The following TSG101 variants were observed in gnomAD, a reference collection of about 807,000 sequenced individuals.
The protein encoded by TSG101 is tumor susceptibility 101, also known as tumor susceptibility gene 101 protein.
A neutral mutation model predicts 48.5 loss-of-function variants in TSG101; 19 were observed. That is an observed-to-expected ratio of 0.39 (90% CI 0.27 to 0.58). The LOEUF (loss-of-function observed/expected upper bound fraction) is 0.58, where lower values mean the gene tolerates loss of function less well. TSG101 is among the 20% of genes least tolerant of loss of function. The pLI is 0.55. For missense variants in TSG101, 365 were observed against 484.4 expected (o/e 0.75, Z 2.31); for synonymous variants, 174 against 169.4 (o/e 1.03, Z -0.21).
intron 7 of TSG101, among the ~76,000 whole-genome samples, chr11:18,484,998 G>A (rs987539723): frequency 7.8e-6 from 1 of 127,420 alleles, no homozygotes; most frequent in East Asian, 2.4e-4. Flanking sequence ...GAGTGCAGTC[G>A]CATGATCTCG....
chr11:18,497,433 G>A (rs775793081), intron 7 of TSG101, among the ~76,000 whole-genome samples: 2 of 152,090 alleles, frequency 1.3e-5, no homozygotes, highest in African/African-American at 2.4e-5. Flanking sequence ...AAAATGTAGA[G>A]TAAAATATTA....
chr11:18,524,237 A>T (rs556532519), intron 1 of TSG101, among the ~76,000 whole-genome samples: 45 of 152,380 alleles, frequency 3.0e-4, no homozygotes, highest in Non-Finnish European at 6.0e-4. Flanking sequence ...TCTGGTATAA[A>T]TATATCTGTT....
At chr11:18,519,894 T>G (rs1301962870) in intron 1 of TSG101, among the ~76,000 whole-genome samples, 1 of 152,210 alleles carries the variant, frequency 6.6e-6, no homozygotes. Flanking sequence ...ATTATTTAAC[T>G]CACCATTAAT....
chr11:18,514,207 G>A (rs1035022915), intron 4 of TSG101, among the ~76,000 whole-genome samples: 3 of 152,094 alleles, frequency 2.0e-5, no homozygotes, highest in African/African-American at 7.2e-5. Context: ...TGCCTAAACA[G>A]CTTTCCAAAG....
At chr11:18,490,281 T>C (rs184748275) in intron 7 of TSG101, 48 of 551,904 alleles carry the variant, frequency 8.7e-5, no homozygotes, top group East Asian at 6.4e-4. Context: ...GGTTTTCCGA[T>C]GTCCACAGAG....
chr11:18,518,611 G>A (rs116696596), intron 2 of TSG101, among the ~76,000 whole-genome samples: 28 of 152,256 alleles, frequency 1.8e-4, no homozygotes, highest in African/African-American at 6.3e-4. Flanking sequence ...CAGAATTAAA[G>A]ACCACATTAA....
In TSG101 at chr11:18,525,699, A is replaced by C; in HGVS notation, c.42+1076T>G. On this transcript the variant is annotated intron_variant, in intron 1 of 9. Coordinates refer to ENST00000251968, the MANE Select transcript of TSG101 (RefSeq NM_006292.4). ...TTCTATGGCTTCCCATATGTCTTCT[A>C]TAACTAAGGATAACAAGTTTATCAA... 3.0e-6 allele frequency: 3 copies of C among 984,800 alleles called. No homozygotes were observed. In the South Asian group the frequency reaches 1.4e-4, roughly 46 times the overall value. The allele number at this position is 984,800 out of a possible 1,614,324, so 61.0% of individuals were successfully genotyped here. A position where few individuals can be genotyped will look rare whatever the true frequency, so the allele number is the denominator to read the frequency against.
At chr11:18,502,031 T>G (rs1443726794) in intron 7 of TSG101, among the ~76,000 whole-genome samples, 1 of 152,234 alleles carries the variant, frequency 6.6e-6, no homozygotes, top group Non-Finnish European at 1.5e-5. Context: ...TCTCACTGCC[T>G]TAGTTTTTTT....
At chr11:18,481,458 G>A (rs539412472) in intron 9 of TSG101, 172 bp downstream of exon 9, 1 of 1,414,304 alleles carries the variant, frequency 7.1e-7, no homozygotes, top group Admixed American at 2.9e-5. Context: ...CCAATCCTCA[G>A]TACTCTGTAG....
chr11:18,514,610 A>C, intron 4 of TSG101, 68 bp downstream of exon 4: 1 of 1,349,808 alleles, frequency 7.4e-7, no homozygotes, highest in African/African-American at 1.5e-5. Context: ...GAGTGCTAAA[A>C]GAAAGCAGAT....
chr11:18,500,266 T>C (rs1197479393), intron 7 of TSG101, among the ~76,000 whole-genome samples: 1 of 152,256 alleles, frequency 6.6e-6, no homozygotes, highest in African/African-American at 2.4e-5. Flanking sequence ...TTAGCTAGTA[T>C]GAATACTGTT....
At chr11:18,497,564 G>A (rs941739134) in intron 7 of TSG101, among the ~76,000 whole-genome samples, 2 of 152,000 alleles carry the variant, frequency 1.3e-5, no homozygotes, top group East Asian at 1.9e-4. Flanking sequence ...AAAATGCTTC[G>A]TACCTAATGT....
At position 18,480,616 on chromosome 11, in the gene TSG101, C is replaced by T. The variant is rs747744055; in HGVS notation, c.1103G>A (p.Arg368His). Residue 368 changes from arginine (R) to histidine (H), a missense_variant, in exon 10 of 10, where the codon CGT becomes CAT. Transcript: ENST00000251968. The stretch of plus-strand genomic sequence containing the variant: ...TAGTGCCCTCAGCTGGAACTGTTTA[C>T]GGGACAGAAGACGTACATGCTGGGA... ...VFLKHVRLLS[R>H]KQFQLRALMQ... is the part of the protein sequence containing the mutation. 4.3e-6 allele frequency: 7 copies of T among 1,613,686 alleles called. No individual in the cohort carries two copies. The highest frequency in any genetic ancestry group is 4.5e-5 in the East Asian group (2 of 44,874).
chr11:18,522,163 G>T (rs1850289122), intron 1 of TSG101, among the ~76,000 whole-genome samples: 1 of 152,076 alleles, frequency 6.6e-6, no homozygotes, highest in Non-Finnish European at 1.5e-5. Context: ...TCTCCCTCAT[G>T]GTTGAAAATT....
Position 18,481,691 on chromosome 11 carries a change from G to T in TSG101, c.1022C>A (p.Thr341Asn). Residue 341 changes from threonine (T) to asparagine (N), a missense_variant, in exon 9 of 10, where the codon ACT (threonine) becomes AAT (asparagine). Thr to Asn is a moderately conservative substitution (Grantham distance 65). Transcript: ENST00000251968. Reference protein sequence around the residue: ...LYAEENAIEDTIFYLGEALRR... With the variant: ...LYAEENAIEDNIFYLGEALRR... Reference sequence around the variant, plus strand: ...CAAGGCTTCTCCCAAGTAAAAGATAGTGTCTTCAATAGCGTTTTCTTCTGC... The same window carrying T: ...CAAGGCTTCTCCCAAGTAAAAGATATTGTCTTCAATAGCGTTTTCTTCTGC... 1 of 1,614,166 alleles carries T rather than the reference G, an allele frequency of 6.2e-7. No individual in the cohort carries two copies. The highest frequency in any genetic ancestry group is 8.5e-7 in the Non-Finnish European group (1 of 1,180,020).
intron 7 of TSG101, among the ~76,000 whole-genome samples, chr11:18,484,935 C>CTT (rs529154247): frequency 0.051 from 5,474 of 107,956 alleles, 448 homozygotes; most frequent in African/African-American, 0.099. Context: ...TAATTGCCGC[C>CTT]TTTTTTTTTT....
chr11:18,517,711 T>C (rs926153526), intron 2 of TSG101, among the ~76,000 whole-genome samples: 1 of 152,218 alleles, frequency 6.6e-6, no homozygotes, highest in Admixed American at 6.5e-5. Context: ...CCTAGGTGTG[T>C]AGTAGGATAT....
At chr11:18,499,362 A>G (rs1423639778) in intron 7 of TSG101, among the ~76,000 whole-genome samples, 1 of 93,458 alleles carries the variant, frequency 1.1e-5, no homozygotes, top group African/African-American at 4.0e-5. Flanking sequence ...ATGTTTATAT[A>G]TAAATATGTT....
intron 7 of TSG101, 82 bp from the exon 8 acceptor site, chr11:18,484,154 G>A: frequency 7.2e-7 from 1 of 1,398,300 alleles, no homozygotes; most frequent in Non-Finnish European, 1.0e-6. Context: ...AGAAAAGGGG[G>A]CAATATGAAC....
Sources: allele counts gnomAD v4.1 joint callset (sites outside exome capture counted in the v4.1 genomes callset), GRCh38; gene constraint gnomAD v4.1.1; transcripts MANE v1.5; gene names NCBI Gene and HGNC (gene_info 2026-07-23, HGNC 2026-07-21).